SPOCK1: variants seen among roughly 807,000 people sequenced by gnomAD.
SPOCK1 encodes testican-1.
SPOCK1 carries 23 observed loss-of-function variants against 55.3 expected under a neutral mutation model. The ratio of observed to expected loss-of-function variants is 0.42; its 90% CI spans 0.30 to 0.59. The LOEUF is 0.59. Among genes scored for constraint, SPOCK1 ranks in the 20% least tolerant of loss-of-function variants. The pLI, the probability that SPOCK1 is intolerant of heterozygous loss-of-function variation, is 0.22. For synonymous variants in SPOCK1, 226 were observed against 221.0 expected (o/e 1.02, Z -0.20); for missense variants, 499 against 552.5 (o/e 0.90, Z 0.97).
chr5:137,483,983 G>T (rs922344701), intron 2 of SPOCK1, among the ~76,000 whole-genome samples: 17 of 152,174 alleles, frequency 1.1e-4, no homozygotes, highest in African/African-American at 4.1e-4. Flanking sequence ...AGGAAACATT[G>T]GGTAATGAAA....
At chr5:137,293,308 A>C (rs1757410303) in intron 2 of SPOCK1, among the ~76,000 whole-genome samples, 1 of 152,134 alleles carries the variant, frequency 6.6e-6, no homozygotes, top group Non-Finnish European at 1.5e-5. Context: ...GTTTAATCTC[A>C]AGTGGACCAT....
intron 2 of SPOCK1, among the ~76,000 whole-genome samples, chr5:137,337,358 A>G (rs1750303446): frequency 6.6e-6 from 1 of 152,210 alleles, no homozygotes; most frequent in Non-Finnish European, 1.5e-5. Flanking sequence ...AACATTTCCA[A>G]TGACCAAAAC....
chr5:137,263,429 C>T (rs1009831503), intron 3 of SPOCK1, among the ~76,000 whole-genome samples: 2 of 152,188 alleles, frequency 1.3e-5, no homozygotes, highest in African/African-American at 4.8e-5. Flanking sequence ...AGGGAAGGTG[C>T]TGGCAAGGCA....
chr5:137,073,060 G>T (rs1752648637), intron 5 of SPOCK1, among the ~76,000 whole-genome samples: 1 of 152,216 alleles, frequency 6.6e-6, no homozygotes, highest in Admixed American at 6.5e-5. Flanking sequence ...TCATCTGGAA[G>T]AAGCTATGCA....
intron 3 of SPOCK1, among the ~76,000 whole-genome samples, chr5:137,205,493 A>G (rs574104418): frequency 7.9e-5 from 12 of 152,338 alleles, no homozygotes; most frequent in African/African-American, 2.9e-4. Flanking sequence ...CATGAGATGA[A>G]AAAGGCTCTG....
At chr5:137,119,542 G>A (rs1289508404) in intron 4 of SPOCK1, among the ~76,000 whole-genome samples, 2 of 152,174 alleles carry the variant, frequency 1.3e-5, no homozygotes, top group Non-Finnish European at 2.9e-5. Context: ...CCATCGTGGG[G>A]TATGTGGGCT....
intron 3 of SPOCK1, among the ~76,000 whole-genome samples, chr5:137,219,078 T>C (rs1460365743): frequency 1.3e-5 from 2 of 152,190 alleles, no homozygotes; most frequent in Non-Finnish European, 2.9e-5. Flanking sequence ...GGATCTCACC[T>C]GGAATCTCTC....
At chr5:136,989,419 G>A (rs751330590) in intron 7 of SPOCK1, among the ~76,000 whole-genome samples, 1 of 152,138 alleles carries the variant, frequency 6.6e-6, no homozygotes, top group Non-Finnish European at 1.5e-5. Context: ...AGAATCAAAG[G>A]TCCCGTGCAA....
intron 2 of SPOCK1, among the ~76,000 whole-genome samples, chr5:137,339,748 C>G (rs760241544): frequency 6.6e-6 from 1 of 152,122 alleles, no homozygotes. Context: ...CAGAGACACC[C>G]AGATAATGCT....
intron 2 of SPOCK1, among the ~76,000 whole-genome samples, chr5:137,392,268 C>T (rs936908342): frequency 2.0e-5 from 3 of 152,132 alleles, no homozygotes; most frequent in Non-Finnish European, 4.4e-5. Flanking sequence ...CTGCTTGCAC[C>T]CACAGTCCAT....
At chr5:137,468,634 A>G (rs910568744) in intron 2 of SPOCK1, among the ~76,000 whole-genome samples, 5 of 152,206 alleles carry the variant, frequency 3.3e-5, no homozygotes, top group Admixed American at 2.6e-4. Context: ...TAGCCAATAC[A>G]TACATAATAA....
chr5:137,184,463 C>T (rs1755028004), intron 3 of SPOCK1, among the ~76,000 whole-genome samples: 1 of 152,188 alleles, frequency 6.6e-6, no homozygotes, highest in South Asian at 2.1e-4. Flanking sequence ...TGCTGCCCAG[C>T]ACGGGCAAAG....
intron 6 of SPOCK1, among the ~76,000 whole-genome samples, chr5:137,042,232 T>C (rs533479461): frequency 6.6e-6 from 1 of 152,186 alleles, no homozygotes; most frequent in Non-Finnish European, 1.5e-5. Flanking sequence ...GTTCCATTTA[T>C]ATGACATTCT....
intron 2 of SPOCK1, among the ~76,000 whole-genome samples, chr5:137,477,474 T>G (rs1284184047): frequency 6.6e-6 from 1 of 152,216 alleles, no homozygotes; most frequent in Admixed American, 6.5e-5. Flanking sequence ...AGCTTCAAGG[T>G]TGGGAAGACA....
At chr5:137,318,113 A>C (rs1190399137) in intron 2 of SPOCK1, among the ~76,000 whole-genome samples, 2 of 152,208 alleles carry the variant, frequency 1.3e-5, no homozygotes. Flanking sequence ...CATACGTTAC[A>C]AGCAATCTTC....
chr5:137,021,331 T>C (rs1751561264), intron 6 of SPOCK1, among the ~76,000 whole-genome samples: 1 of 152,140 alleles, frequency 6.6e-6, no homozygotes, highest in African/African-American at 2.4e-5. Context: ...CAAAATATCA[T>C]TAAGGGATGC....
chr5:137,430,755 C>A (rs1415335162), intron 2 of SPOCK1, among the ~76,000 whole-genome samples: 1 of 152,144 alleles, frequency 6.6e-6, no homozygotes, highest in Admixed American at 6.5e-5. Context: ...GAAAAATAAA[C>A]CCTGGATTCC....
chr5:137,071,406 A>C (rs1749026694), intron 5 of SPOCK1, among the ~76,000 whole-genome samples: 1 of 152,206 alleles, frequency 6.6e-6, no homozygotes, highest in Non-Finnish European at 1.5e-5. Context: ...TACCAGGAAG[A>C]TAGGGGTCAC....
At chr5:137,194,806 A>G (rs1755266215) in intron 3 of SPOCK1, among the ~76,000 whole-genome samples, 2 of 152,172 alleles carry the variant, frequency 1.3e-5, no homozygotes, top group African/African-American at 4.8e-5. Flanking sequence ...GAAAGCTCCC[A>G]TCTGAGCCTC....
Sources: gnomAD v4.1 joint callset for allele counts (sites outside exome capture counted in the v4.1 genomes callset) on GRCh38, gnomAD v4.1.1 for gene constraint, MANE v1.5 for transcripts, NCBI Gene and HGNC (gene_info 2026-07-23, HGNC 2026-07-21) for gene names.